The following ACSL3 variants were observed in gnomAD, a reference collection of about 807,000 sequenced individuals.
ACSL3 encodes acyl-CoA synthetase long chain family member 3.
A neutral mutation model predicts 84.7 loss-of-function variants in ACSL3; 34 were observed. That is an observed-to-expected ratio of 0.40 (90% CI 0.31 to 0.53). ACSL3 has a LOEUF of 0.53. Among genes scored for constraint, ACSL3 ranks in the 20% least tolerant of loss-of-function variants. ACSL3 has a pLI of 0.48. For missense variants in ACSL3, 680 were observed against 873.1 expected, an observed-to-expected ratio of 0.78 and a Z score of 2.79; for synonymous variants, 315 against 299.4, an observed-to-expected ratio of 1.05 and a Z score of -0.54.
intron 2 of ACSL3, among the ~76,000 whole-genome samples, chr2:222,900,314 TTTCTCC>T (rs1453726796): frequency 6.6e-6 from 1 of 152,192 alleles, no homozygotes; most frequent in Non-Finnish European, 1.5e-5. Flanking sequence ...TCAGTGGTAC[TTTCTCC>T]TTCTCGGCCC....
chr2:222,926,068 A>G (rs1289672475), intron 11 of ACSL3, among the ~76,000 whole-genome samples: 3 of 152,350 alleles, frequency 2.0e-5, no homozygotes, highest in East Asian at 1.9e-4. Flanking sequence ...CAGGTTCCAC[A>G]TCTTTAGATT....
intron 16 of ACSL3, among the ~76,000 whole-genome samples, chr2:222,935,205 T>G (rs1486210847): frequency 6.6e-6 from 1 of 152,208 alleles, no homozygotes; most frequent in Admixed American, 6.5e-5. Flanking sequence ...TTATTTATTT[T>G]TTTAAGAGAC....
chr2:222,874,950 A>C (rs769785771), intron 1 of ACSL3, among the ~76,000 whole-genome samples: 34 of 152,094 alleles, frequency 2.2e-4, no homozygotes, highest in Admixed American at 3.9e-4. Context: ...CTACCAACAA[A>C]AAAAAAAGAT....
intron 6 of ACSL3, among the ~76,000 whole-genome samples, chr2:222,918,626 A>C (rs1226393604): frequency 1.3e-5 from 2 of 150,032 alleles, no homozygotes; most frequent in Non-Finnish European, 3.0e-5. Context: ...GGGCTATTCT[A>C]TATGGGGGAA....
At chr2:222,911,679 AAAG>A (rs913734704) in intron 4 of ACSL3, among the ~76,000 whole-genome samples, 3 of 152,238 alleles carry the variant, frequency 2.0e-5, no homozygotes, top group African/African-American at 7.2e-5. Context: ...AATTGTGTAA[AAAG>A]AAGAAAAGCT....
intron 1 of ACSL3, among the ~76,000 whole-genome samples, chr2:222,878,680 G>A (rs1695518143): frequency 6.6e-6 from 1 of 152,154 alleles, no homozygotes; most frequent in South Asian, 2.1e-4. Flanking sequence ...TAACAATATA[G>A]TGAATCTCTC....
At position 222,880,290 on chromosome 2, in the gene ACSL3, G is replaced by A. The variant is rs185005575; in HGVS notation, c.-206-7540G>A. Among the ~76,000 whole-genome samples, 915 of 152,154 alleles carry A rather than the reference G, an allele frequency of 6.0e-3. 3 individuals carry two copies. Among genetic ancestry groups the A allele is most frequent in the Non-Finnish European group, 0.011 (735 of 67,998 alleles). On this transcript the variant is annotated intron_variant, in intron 1 of 16. Coordinates refer to ENST00000357430, the MANE Select transcript of ACSL3 (RefSeq NM_004457.5). The stretch of plus-strand genomic sequence containing the variant: ...AAAATCCTAGTAGGATTTTCATTGG[G>A]ATTGCATTTGGTTTATGGGTTAATT...
intron 3 of ACSL3, among the ~76,000 whole-genome samples, chr2:222,906,109 C>T (rs1278365956): frequency 6.6e-6 from 1 of 152,100 alleles, no homozygotes; most frequent in Non-Finnish European, 1.5e-5. Flanking sequence ...TACTGATTTT[C>T]CCTCCCCTCT....
At chr2:222,911,307 C>T (rs1343348433) in intron 4 of ACSL3, among the ~76,000 whole-genome samples, 2 of 152,186 alleles carry the variant, frequency 1.3e-5, no homozygotes, top group Non-Finnish European at 2.9e-5. Context: ...CCTCGGCCTC[C>T]CAAAGTGCTG....
Position 222,942,697 on chromosome 2 carries a change from G to A in ACSL3, c.*1043G>A, listed in dbSNP as rs140883381. The A allele has an allele frequency of 9.9e-3, 2,096 of 211,142 alleles. 19 individuals are homozygous for A. The highest frequency in any genetic ancestry group is 0.024 in the African/African-American group (1,051 of 44,314). The allele number at this position is 211,142 out of a possible 1,614,324, so 13.1% of individuals were successfully genotyped here. A position where few individuals can be genotyped will look rare whatever the true frequency, so the allele number is the denominator to read the frequency against. ...CTGATGCGTGTATGGATGTGTGTGA[G>A]TCAGTGGTAGCTTATTTAAAAAGCA... On this transcript the variant is annotated 3_prime_UTR_variant, in exon 17 of 17. Coordinates refer to ENST00000357430, the MANE Select transcript of ACSL3 (RefSeq NM_004457.5).
intron 1 of ACSL3, among the ~76,000 whole-genome samples, chr2:222,877,235 G>C (rs987255540): frequency 6.6e-6 from 1 of 152,180 alleles, no homozygotes; most frequent in Admixed American, 6.5e-5. Flanking sequence ...TGGTGGAATA[G>C]GACTGGTTAT....
At chr2:222,884,595 C>T (rs13003291) in intron 1 of ACSL3, among the ~76,000 whole-genome samples, 12,304 of 152,242 alleles carry the variant, frequency 0.081, 731 homozygotes, top group African/African-American at 0.16. Flanking sequence ...TCCATCTTCA[C>T]GTCACCATCT....
intron 16 of ACSL3, among the ~76,000 whole-genome samples, chr2:222,940,022 A>G (rs1351065294): frequency 6.6e-6 from 1 of 152,198 alleles, no homozygotes; most frequent in Non-Finnish European, 1.5e-5. Context: ...GTTTTTTAAT[A>G]TTTGTTGAAC....
At chr2:222,909,248 C>T (rs1419757391) in intron 4 of ACSL3, 98 bp downstream of exon 4, 1 of 1,242,702 alleles carries the variant, frequency 8.0e-7, no homozygotes, top group East Asian at 2.5e-5. Context: ...TTAGAATTCG[C>T]TGTTGAAGGA....
At chr2:222,902,616 GACCAGA>G (rs1696180995) in intron 3 of ACSL3, among the ~76,000 whole-genome samples, 2 of 152,188 alleles carry the variant, frequency 1.3e-5, no homozygotes, top group Non-Finnish European at 2.9e-5. Context: ...CTTGTCTCAT[GACCAGA>G]AAAAAATTAG....
intron 14 of ACSL3, among the ~76,000 whole-genome samples, chr2:222,931,150 A>G (rs1697021871): frequency 6.6e-6 from 1 of 152,014 alleles, no homozygotes; most frequent in Non-Finnish European, 1.5e-5. Flanking sequence ...GCCCAGGAGA[A>G]TAGAGGAAAG....
chr2:222,909,292 T>C, intron 4 of ACSL3, 142 bp downstream of exon 4: 1 of 810,308 alleles, frequency 1.2e-6, no homozygotes, highest in South Asian at 1.8e-5. Context: ...GACTACCTTC[T>C]AATTTCTTCC....
chr2:222,890,788 C>T (rs554441138), intron 2 of ACSL3, among the ~76,000 whole-genome samples: 6 of 151,980 alleles, frequency 3.9e-5, no homozygotes, highest in African/African-American at 9.7e-5. Flanking sequence ...ATTACAGGTG[C>T]GTACCACCAC....
intron 5 of ACSL3, among the ~76,000 whole-genome samples, chr2:222,916,862 A>G (rs1218217606): frequency 1.3e-5 from 2 of 152,224 alleles, no homozygotes; most frequent in African/African-American, 2.4e-5. Context: ...AAACACTTCC[A>G]TACTGAAACC....
Sources: allele counts gnomAD v4.1 joint callset (sites outside exome capture counted in the v4.1 genomes callset), GRCh38; gene constraint gnomAD v4.1.1; transcripts MANE v1.5; gene names NCBI Gene and HGNC (gene_info 2026-07-23, HGNC 2026-07-21).